The following FAF1 variants were observed in gnomAD, a reference collection of about 807,000 sequenced individuals.
The protein encoded by FAF1 is FAS-associated factor 1.
A neutral mutation model predicts 92.5 loss-of-function variants in FAF1; 25 were observed. That is an observed-to-expected ratio of 0.27 (90% CI 0.20 to 0.38). The LOEUF is 0.38. FAF1 is among the 10% of genes least tolerant of loss of function. The pLI is 1.00. For synonymous variants in FAF1, 234 were observed against 273.2 expected, an observed-to-expected ratio of 0.86 and a Z score of 1.42; for missense variants, 636 against 793.3, an observed-to-expected ratio of 0.80 and a Z score of 2.38.
chr1:50,484,885 G>A (rs947992671), intron 17 of FAF1, among the ~76,000 whole-genome samples: 2 of 143,704 alleles, frequency 1.4e-5, no homozygotes, highest in Non-Finnish European at 1.5e-5. Flanking sequence ...TGTTCTCACT[G>A]ATAGGTGGGA....
chr1:50,505,162 G>C (rs946420461), intron 15 of FAF1, among the ~76,000 whole-genome samples: 1 of 152,136 alleles, frequency 6.6e-6, no homozygotes, highest in East Asian at 1.9e-4. Flanking sequence ...AATCCACACT[G>C]GGGGAGAAGA....
At chr1:50,690,511 G>A (rs1656871725) in intron 7 of FAF1, among the ~76,000 whole-genome samples, 2 of 152,086 alleles carry the variant, frequency 1.3e-5, no homozygotes, top group African/African-American at 4.8e-5. Flanking sequence ...TGAGGTAGGA[G>A]AATCGCTTGA....
chr1:50,660,554 T>C (rs546889530), intron 7 of FAF1, among the ~76,000 whole-genome samples: 1 of 151,998 alleles, frequency 6.6e-6, no homozygotes, highest in South Asian at 2.1e-4. Context: ...CAGAGTGCAG[T>C]AGGTTCTCGG....
chr1:50,657,324 C>T (rs1367187485), intron 7 of FAF1, among the ~76,000 whole-genome samples: 1 of 150,380 alleles, frequency 6.6e-6, no homozygotes, highest in East Asian at 1.9e-4. Flanking sequence ...TTAATTAATT[C>T]TTCAAGTTAA....
At chr1:50,868,756 TG>T (rs1644503079) in intron 1 of FAF1, among the ~76,000 whole-genome samples, 1 of 152,230 alleles carries the variant, frequency 6.6e-6, no homozygotes, top group Non-Finnish European at 1.5e-5. Context: ...AATTCCATTG[TG>T]GATGGAGAAC....
In FAF1 at chr1:50,959,751, G is replaced by A; in HGVS notation, c.45+16C>T. On this transcript the variant is annotated intron_variant, in intron 1 of 18. Transcript: ENST00000396153. ...CGAGGTTGGAAGTGGGAGGGGAAGAGGGCCAGATACTTCACCTGAAAATCC... is the reference window on the plus strand; with the variant it reads ...CGAGGTTGGAAGTGGGAGGGGAAGAAGGCCAGATACTTCACCTGAAAATCC... 1.9e-6 allele frequency: 3 copies of A among 1,599,440 alleles called. No homozygotes were observed. Among genetic ancestry groups the A allele is most frequent in the Non-Finnish European group, 2.6e-6 (3 of 1,171,878 alleles).
At chr1:50,544,081 G>A (rs1464007295) in intron 13 of FAF1, among the ~76,000 whole-genome samples, 2 of 152,002 alleles carry the variant, frequency 1.3e-5, no homozygotes, top group Non-Finnish European at 2.9e-5. Context: ...AACAGTCAAG[G>A]ACATGGTGGG....
At chr1:50,630,828 C>CTT (rs1052085908) in intron 8 of FAF1, among the ~76,000 whole-genome samples, 1,158 of 102,418 alleles carry the variant, frequency 0.011, 17 homozygotes, top group Non-Finnish European at 0.013. Flanking sequence ...TGTATCATAT[C>CTT]TTTTTTTTTT....
chr1:50,804,047 T>C (rs1203495149), intron 2 of FAF1, among the ~76,000 whole-genome samples: 1 of 152,188 alleles, frequency 6.6e-6, no homozygotes, highest in African/African-American at 2.4e-5. Flanking sequence ...ATGTTCAATT[T>C]TGAACATGTT....
chr1:50,789,029 T>C (rs1661470237), intron 3 of FAF1, among the ~76,000 whole-genome samples: 1 of 152,098 alleles, frequency 6.6e-6, no homozygotes, highest in South Asian at 2.1e-4. Context: ...AAACGGAGTC[T>C]TGTTAATGTT....
rs1195078847 is a variant in FAF1 at position 50,440,576 on chromosome 1, A to T, written c.*864T>A. On this transcript the variant is annotated 3_prime_UTR_variant, in exon 19 of 19. Coordinates refer to ENST00000396153, the MANE Select transcript of FAF1 (RefSeq NM_007051.3). ...AAGGTCCAAATGTGTGAGGGAGTAG[A>T]GAGAGAGAAAGCAAGAGAGAATTGT... 6.6e-6 allele frequency: 1 copy of T among 152,254 alleles called. No homozygotes were observed. The highest frequency in any genetic ancestry group is 2.4e-5 in the African/African-American group (1 of 41,464). The allele number at this position is 152,254 out of a possible 1,614,324, so 9.4% of individuals were successfully genotyped here.
intron 6 of FAF1, among the ~76,000 whole-genome samples, chr1:50,728,142 G>A (rs990824194): frequency 2.6e-5 from 4 of 152,160 alleles, no homozygotes; most frequent in Admixed American, 6.5e-5. Flanking sequence ...TATAATGCAC[G>A]GTAGGGATAA....
At chr1:50,724,296 TAC>T (rs974347882) in intron 6 of FAF1, among the ~76,000 whole-genome samples, 617 of 116,916 alleles carry the variant, frequency 5.3e-3, no homozygotes, top group East Asian at 0.029. Context: ...CACACACACA[TAC>T]ACACACACAC....
chr1:50,757,591 T>A lies in FAF1; in HGVS notation c.368-12816A>T, dbSNP rs12063943. On this transcript the variant is annotated intron_variant, in intron 4 of 18. Coordinates refer to ENST00000396153, the MANE Select transcript of FAF1 (RefSeq NM_007051.3). ...CTTCAGGTTATGATTACAATTTTCA[T>A]ACATATTTTCCAGTTCTTTTCATTT... Among the ~76,000 whole-genome samples, 4 of 152,244 alleles carry A rather than the reference T, an allele frequency of 2.6e-5. No homozygotes were observed. The South Asian group carries it at 8.3e-4, about 32-fold the overall frequency.
intron 3 of FAF1, among the ~76,000 whole-genome samples, chr1:50,795,786 A>T (rs1266667381): frequency 1.3e-5 from 2 of 152,134 alleles, no homozygotes; most frequent in African/African-American, 4.8e-5. Flanking sequence ...TTGAATTGGA[A>T]CTTGAGAATG....
chr1:50,694,563 A>C (rs1657101034), intron 7 of FAF1, among the ~76,000 whole-genome samples: 1 of 151,428 alleles, frequency 6.6e-6, no homozygotes, highest in Non-Finnish European at 1.5e-5. Flanking sequence ...GGAAAAAAAA[A>C]AAAACCCACA....
At chr1:50,520,530 G>A (rs1447081360) in intron 15 of FAF1, among the ~76,000 whole-genome samples, 3 of 152,116 alleles carry the variant, frequency 2.0e-5, no homozygotes, top group African/African-American at 7.2e-5. Context: ...AAACTGTACT[G>A]TACTTTCCAG....
intron 9 of FAF1, among the ~76,000 whole-genome samples, chr1:50,590,510 G>A (rs919735717): frequency 6.6e-6 from 1 of 152,174 alleles, no homozygotes; most frequent in East Asian, 1.9e-4. Flanking sequence ...GTATTTTGCT[G>A]AATTCATTTT....
At chr1:50,856,882 G>C (rs1644394285) in intron 2 of FAF1, among the ~76,000 whole-genome samples, 1 of 151,656 alleles carries the variant, frequency 6.6e-6, no homozygotes, top group Non-Finnish European at 1.5e-5. Context: ...TAAAAAGAAT[G>C]ATGAACAGCC....
Sources: allele counts gnomAD v4.1 joint callset (sites outside exome capture counted in the v4.1 genomes callset), GRCh38; gene constraint gnomAD v4.1.1; transcripts MANE v1.5; gene names NCBI Gene and HGNC (gene_info 2026-07-23, HGNC 2026-07-21).